ARNT2: variants seen among roughly 807,000 people sequenced by gnomAD.
ARNT2 encodes ARNT protein 2.
Under a neutral mutation model 91.7 loss-of-function variants are expected in ARNT2, and 36 were observed. The ratio of observed to expected loss-of-function variants is 0.39; its 90% CI spans 0.30 to 0.52. ARNT2 has a LOEUF of 0.52. ARNT2 is among the 20% of genes least tolerant of loss of function. The probability of loss-of-function intolerance (pLI) is 0.72; values close to 1 mark genes in which losing one functional copy is unlikely to be tolerated. For synonymous variants in ARNT2, 365 were observed against 347.1 expected, an observed-to-expected ratio of 1.05 and a Z score of -0.57; for missense variants, 775 against 939.3, an observed-to-expected ratio of 0.83 and a Z score of 2.29.
intron 4 of ARNT2, among the ~76,000 whole-genome samples, chr15:80,472,398 A>G (rs1290129807): frequency 6.6e-6 from 1 of 152,204 alleles, no homozygotes; most frequent in African/African-American, 2.4e-5. Flanking sequence ...GGCAGGAATG[A>G]AAAAGATTTT....
At chr15:80,504,812 G>T (rs1196099711) in intron 5 of ARNT2, among the ~76,000 whole-genome samples, 1 of 151,914 alleles carries the variant, frequency 6.6e-6, no homozygotes, top group Admixed American at 6.6e-5. Flanking sequence ...GAAGGGGATT[G>T]CTCAGGGAGG....
rs1245411316 is a variant in ARNT2 at position 80,430,968 on chromosome 15, C to T, written c.32-19912C>T. On this transcript the variant is annotated intron_variant, in intron 1 of 18. Coordinates refer to ENST00000303329, the MANE Select transcript of ARNT2 (RefSeq NM_014862.4). ...TACGTGGTGATGAACCATGCACTCT[C>T]CTTCCCCAGATTCTGTCCCAGGGTT... is the stretch of plus-strand genomic sequence containing the variant. Among the ~76,000 whole-genome samples the T allele has an allele frequency of 2.0e-5, 3 of 152,186 alleles. No individual in the cohort carries two copies. In the East Asian group the frequency reaches 5.8e-4, roughly 30 times the overall value.
At chr15:80,507,327 G>A (rs79580216) in intron 5 of ARNT2, among the ~76,000 whole-genome samples, 1,657 of 152,252 alleles carry the variant, frequency 0.011, 23 homozygotes, top group East Asian at 0.042. Context: ...GTGGGGGATG[G>A]ATGCAGAAAA....
chr15:80,536,692 T>C (rs1897829056), intron 8 of ARNT2, among the ~76,000 whole-genome samples: 1 of 152,134 alleles, frequency 6.6e-6, no homozygotes, highest in Admixed American at 6.5e-5. Context: ...TAATTTCTTC[T>C]TAACTCCTGT....
intron 5 of ARNT2, among the ~76,000 whole-genome samples, chr15:80,484,400 T>C (rs1266053989): frequency 6.6e-6 from 1 of 152,208 alleles, no homozygotes; most frequent in Non-Finnish European, 1.5e-5. Flanking sequence ...CACGTGAGAA[T>C]GAAATCTGAG....
At chr15:80,551,092 C>A in intron 8 of ARNT2, 107 bp from the exon 9 acceptor site, 1 of 1,095,528 alleles carries the variant, frequency 9.1e-7, no homozygotes, top group Non-Finnish European at 1.4e-6. Flanking sequence ...CCCTGCATGG[C>A]CAACACTCAC....
intron 11 of ARNT2, among the ~76,000 whole-genome samples, chr15:80,562,583 C>T (rs773740902): frequency 3.1e-4 from 47 of 152,300 alleles, no homozygotes; most frequent in Non-Finnish European, 2.4e-4. Context: ...CATTTCATTA[C>T]GTCTCCTACC....
chr15:80,467,534 A>C (rs1369467394), intron 3 of ARNT2, among the ~76,000 whole-genome samples: 2 of 152,124 alleles, frequency 1.3e-5, no homozygotes, highest in East Asian at 3.9e-4. Context: ...CATGGGAGGA[A>C]AGCCGGTTCT....
chr15:80,510,782 TCA>T, intron 6 of ARNT2, among the ~76,000 whole-genome samples: 2 of 152,058 alleles, frequency 1.3e-5, no homozygotes, highest in Admixed American at 6.6e-5. Flanking sequence ...TGAGCCGAGA[TCA>T]TGCCACGCAC....
intron 6 of ARNT2, among the ~76,000 whole-genome samples, chr15:80,508,592 A>G (rs1897303809): frequency 1.3e-5 from 2 of 152,180 alleles, no homozygotes; most frequent in African/African-American, 2.4e-5. Flanking sequence ...AGTTCTCAAC[A>G]TGTTTTATAT....
intron 1 of ARNT2, among the ~76,000 whole-genome samples, chr15:80,406,126 G>C (rs1895598561): frequency 6.6e-6 from 1 of 152,204 alleles, no homozygotes; most frequent in Non-Finnish European, 1.5e-5. Flanking sequence ...GCGGGTAGAA[G>C]AGTTCCAGAT....
intron 8 of ARNT2, among the ~76,000 whole-genome samples, chr15:80,530,127 T>A (rs1390702882): frequency 9.2e-5 from 14 of 152,220 alleles, no homozygotes; most frequent in Non-Finnish European, 1.8e-4. Context: ...GGTCACTATG[T>A]GGTTGTCCAC....
intron 1 of ARNT2, among the ~76,000 whole-genome samples, chr15:80,444,134 C>T (rs1462906153): frequency 2.0e-5 from 3 of 152,278 alleles, no homozygotes; most frequent in South Asian, 2.1e-4. Flanking sequence ...CCTTGCCAGG[C>T]GCTGCTTGAG....
At chr15:80,442,783 A>G in intron 1 of ARNT2, 1 of 923,944 alleles carries the variant, frequency 1.1e-6, no homozygotes, top group Non-Finnish European at 1.3e-6. Flanking sequence ...TAAATATGCA[A>G]CTGGCCCAAT....
At chr15:80,559,414 GGCCCCGT>G (rs1898278014) in intron 11 of ARNT2, among the ~76,000 whole-genome samples, 2 of 152,168 alleles carry the variant, frequency 1.3e-5, no homozygotes, top group Non-Finnish European at 2.9e-5. Flanking sequence ...ACCGCACCTC[GGCCCCGT>G]GCTTGTGTTC....
chr15:80,552,539 C>A (rs1020847888), intron 9 of ARNT2, 101 bp from the exon 10 acceptor site: 5 of 1,420,642 alleles, frequency 3.5e-6, no homozygotes, highest in Admixed American at 1.9e-5. Flanking sequence ...ATGGAAGGAT[C>A]TTTGAAGTGA....
chr15:80,515,929 G>T (rs1426356603), intron 8 of ARNT2, among the ~76,000 whole-genome samples: 1 of 150,758 alleles, frequency 6.6e-6, no homozygotes, highest in African/African-American at 2.4e-5. Flanking sequence ...GAGTGCAAAG[G>T]CATGATCAGG....
chr15:80,575,228 A>T, intron 14 of ARNT2, 118 bp downstream of exon 14: 1 of 1,339,478 alleles, frequency 7.5e-7, no homozygotes. Flanking sequence ...TTGAGTAACC[A>T]TTGCAGGGTA....
Position 80,404,433 on chromosome 15 carries a change from C to G in ARNT2, c.-83C>G, listed in dbSNP as rs910494245. The G allele has an allele frequency of 1.5e-4, 147 of 980,926 alleles. No homozygotes were observed. The highest frequency in any genetic ancestry group is 9.8e-5 in the Non-Finnish European group (78 of 793,850). 60.8% of individuals were successfully genotyped at this position (980,926 alleles called of 1,614,324 possible). ...TGGCGGCGGCGGCGCCTGGGCCTGA[C>G]CGGGTCCCCGGGGCTGAGCGCCGGG... On this transcript the variant is annotated 5_prime_UTR_variant, in exon 1 of 19. Transcript: ENST00000303329. This position sits in a 1 kb window ranked among gnomAD's most constrained non-coding sequence, Gnocchi z 5.5.
Sources: gnomAD v4.1 joint callset for allele counts (sites outside exome capture counted in the v4.1 genomes callset) on GRCh38, gnomAD v4.1.1 for gene constraint, Gnocchi (gnomAD v3.1) non-coding constraint, MANE v1.5 for transcripts, NCBI Gene and HGNC (gene_info 2026-07-23, HGNC 2026-07-21) for gene names.